Variants in MYLK3 observed in about 807,000 individuals in gnomAD.
The protein encoded by MYLK3 is MLC kinase.
In MYLK3, 55 loss-of-function variants were observed where a neutral mutation model predicts 76.3. The observed-to-expected ratio is 0.72, with a 90% CI of 0.58 to 0.90. MYLK3 has a LOEUF of 0.90. Among genes scored for constraint, MYLK3 ranks in the 40% least tolerant of loss-of-function variants. The pLI is 0.00. For missense variants in MYLK3, 973 were observed against 1,053.6 expected (o/e 0.92, Z 1.06); for synonymous variants, 416 against 425.4 (o/e 0.98, Z 0.27).
upstream of MYLK3, among the ~76,000 whole-genome samples, chr16:46,751,598 A>T (rs1967126503): frequency 6.6e-6 from 1 of 152,094 alleles, no homozygotes; most frequent in Non-Finnish European, 1.5e-5. Context: ...GGTGTTCAAC[A>T]TGGAGGAATG....
At chr16:46,714,150 A>G (rs536788137) in intron 9 of MYLK3, among the ~76,000 whole-genome samples, 1 of 152,332 alleles carries the variant, frequency 6.6e-6, no homozygotes, top group South Asian at 2.1e-4. Flanking sequence ...AAGAGTCTCT[A>G]GCTAAAATTT....
chr16:46,751,754 C>T (rs1022960116), upstream of MYLK3, among the ~76,000 whole-genome samples: 18 of 152,190 alleles, frequency 1.2e-4, no homozygotes, highest in Non-Finnish European at 2.6e-4. Context: ...GGGAGAAAGC[C>T]TAGAACATAT....
chr16:46,754,546 AC>A (rs1268543147), intron 1 of MYLK3, among the ~76,000 whole-genome samples: 16 of 152,120 alleles, frequency 1.1e-4, no homozygotes, highest in Admixed American at 1.0e-3. Context: ...GCCATGGGAT[AC>A]CCTGGGCCAC....
chr16:46,758,447 C>T (rs1458074660), intron 1 of MYLK3, among the ~76,000 whole-genome samples: 1 of 152,160 alleles, frequency 6.6e-6, no homozygotes, highest in East Asian at 1.9e-4. Flanking sequence ...CTTTGGCTGC[C>T]TCTCCTTATT....
chr16:46,759,681 G>A (rs1440118212), intron 1 of MYLK3, among the ~76,000 whole-genome samples: 1 of 151,358 alleles, frequency 6.6e-6, no homozygotes, highest in Non-Finnish European at 1.5e-5. Flanking sequence ...AGGCTGGAGT[G>A]AAGAGGCGCG....
chr16:46,713,012 C>T (rs1030411544), intron 9 of MYLK3, among the ~76,000 whole-genome samples: 15 of 152,214 alleles, frequency 9.9e-5, no homozygotes, highest in East Asian at 7.7e-4. Context: ...CTCCTCCAGG[C>T]ATTTGCTTCT....
chr16:46,717,540 A>G (rs252727), intron 9 of MYLK3, among the ~76,000 whole-genome samples: 149,713 of 151,962 alleles, frequency 0.99, 73,776 homozygotes, highest in East Asian at 1. Flanking sequence ...TCCCCCAACC[A>G]GCCCGCACAT....
intron 10 of MYLK3, chr16:46,711,054 G>A: frequency 2.2e-6 from 1 of 457,108 alleles, no homozygotes; most frequent in Non-Finnish European, 4.0e-6. Flanking sequence ...CATTCCTGAA[G>A]TAAAGAGTAA....
intron 8 of MYLK3, among the ~76,000 whole-genome samples, chr16:46,724,292 A>AT (rs1295870533): frequency 1.3e-5 from 2 of 151,786 alleles, no homozygotes; most frequent in South Asian, 4.1e-4. Context: ...GAAGTATGAG[A>AT]TTTTTTTCAT....
chr16:46,724,624 T>C (rs1966831729), intron 8 of MYLK3, among the ~76,000 whole-genome samples: 1 of 152,238 alleles, frequency 6.6e-6, no homozygotes, highest in Non-Finnish European at 1.5e-5. Flanking sequence ...ATGGTTTATG[T>C]CTAGACTCTC....
At position 46,710,717 on chromosome 16, in the gene MYLK3, C is replaced by G; in HGVS notation, c.2187G>C (p.Trp729Cys). 1.9e-6 allele frequency: 3 copies of G among 1,614,094 alleles called. No homozygotes were observed. The highest frequency in any genetic ancestry group is 2.5e-6 in the Non-Finnish European group (3 of 1,180,018). ...CTTCAAAGGTGTCAGCATCAAAATC[C>G]CAGCTACAGTTTACAATGAAATTCA... Reference protein sequence around the residue: ...ETMNFIVNCSWDFDADTFEGL... With the variant: ...ETMNFIVNCSCDFDADTFEGL... The change falls in exon 11 of 13, where the codon TGG becomes TGC. Residue 729 changes from tryptophan (W) to cysteine (C), a missense_variant. Transcript: ENST00000394809.
chr16:46,744,937 A>G (rs940191164), intron 1 of MYLK3, among the ~76,000 whole-genome samples: 7 of 152,336 alleles, frequency 4.6e-5, no homozygotes, highest in Middle Eastern at 6.8e-3. Flanking sequence ...ATAAATGCTA[A>G]AACATTTATG....
chr16:46,710,780 G>A lies in MYLK3; in HGVS notation c.2124C>T (p.Gly708=), dbSNP rs146268415. 6.2e-7 allele frequency: 1 copy of A among 1,614,086 alleles called. No homozygotes were observed. The highest frequency in any genetic ancestry group is 2.2e-5 in the East Asian group (1 of 44,884). Residue 708 remains glycine (G), a synonymous_variant, in exon 11 of 13, where the codon GGC becomes GGT. Transcript: ENST00000394809. ...CTGTTTCCCCTAGAAATGGGGACAA[G>A]CCACTGAGTCTATAGAAGAGAGAAA... ...VGVITYMLLS[G]LSPFLGETDA...
intron 7 of MYLK3, among the ~76,000 whole-genome samples, chr16:46,727,974 C>G (rs1287584922): frequency 1.3e-5 from 2 of 152,216 alleles, no homozygotes; most frequent in South Asian, 4.1e-4. Flanking sequence ...CTGACCAGGG[C>G]TGTGAACTCA....
chr16:46,707,593 A>T lies in MYLK3; in HGVS notation c.*111T>A, dbSNP rs1966638580. ...CAGCCATAACCATTTTTACAAAATA[A>T]GTGGAATCAATAATACCAAAAAGCC... On this transcript the variant is annotated 3_prime_UTR_variant, in exon 13 of 13. Coordinates refer to ENST00000394809, the MANE Select transcript of MYLK3 (RefSeq NM_182493.3). The T allele has an allele frequency of 4.5e-6, 3 of 668,490 alleles. No homozygotes were observed. The African/African-American group carries it at 5.5e-5, about 12-fold the overall frequency. The allele number at this position is 668,490 out of a possible 1,614,324, so 41.4% of individuals were successfully genotyped here.
Position 46,732,343 on chromosome 16 carries a change from G to A in MYLK3, c.1327C>T (p.Leu443=). The change falls in exon 4 of 13, where the codon CTG becomes TTG. Residue 443 remains leucine (L), a synonymous_variant. Coordinates refer to ENST00000394809, the MANE Select transcript of MYLK3 (RefSeq NM_182493.3). ...GGGCTTTTGCCCTGCTGCAGGCCCA[G>A]GGCCCCAACCTCGTGGTCATTGTCG... ...SDDNDHEVGA[L]GLQQGKSPGA... is the part of the protein sequence containing the mutation. 6.2e-7 allele frequency: 1 copy of A among 1,613,216 alleles called. No homozygotes were observed. Among genetic ancestry groups the A allele is most frequent in the Non-Finnish European group, 8.5e-7 (1 of 1,180,030 alleles).
At position 46,710,796 on chromosome 16, in the gene MYLK3, AAGAG is replaced by A. The variant is rs761067828; in HGVS notation, c.2115-11_2115-8del. The A allele has an allele frequency of 6.2e-7, 1 of 1,614,004 alleles. No individual in the cohort carries two copies. Among genetic ancestry groups the A allele is most frequent in the Non-Finnish European group, 8.5e-7 (1 of 1,180,006 alleles). On this transcript the variant is annotated splice_region_variant and splice_polypyrimidine_tract_variant and intron_variant, in intron 10 of 12. Coordinates refer to ENST00000394809, the MANE Select transcript of MYLK3 (RefSeq NM_182493.3). ...TGGGGACAAGCCACTGAGTCTATAG[AAGAG>A]AGAAAGGACCATCAGTAGGTGGAGG...
Position 46,729,673 on chromosome 16 carries a change from TG to T in MYLK3, c.1582del (p.Gln528ArgfsTer21). 1 of 1,613,644 alleles carries T rather than the reference TG, an allele frequency of 6.2e-7. No individual in the cohort carries two copies. Among genetic ancestry groups the T allele is most frequent in the South Asian group, 1.1e-5 (1 of 91,070 alleles). On this transcript the variant is annotated frameshift_variant, in exon 6 of 13. Transcript: ENST00000394809. LOFTEE classifies it high-confidence loss of function. ...GGACTTCTCTGTGCACCTGTGGACCTGGCCAAACCGACCCCTGCAGAGACAT... is the reference window on the plus strand; with the variant it reads ...GGACTTCTCTGTGCACCTGTGGACCTGCCAAACCGACCCCTGCAGAGACAT... ...HEVLGGGRFG[Q>X]VHRCTEKSTG...
Position 46,728,899 on chromosome 16 carries a change from G to A in MYLK3, c.1772+125C>T, listed in dbSNP as rs868618378. 3.2e-5 allele frequency: 22 copies of A among 689,372 alleles called. No individual in the cohort carries two copies. The Middle Eastern group carries it at 1.5e-3, about 48-fold the overall frequency. 42.7% of individuals were successfully genotyped at this position (689,372 alleles called of 1,614,324 possible). On this transcript the variant is annotated intron_variant, in intron 7 of 12. Coordinates refer to ENST00000394809, the MANE Select transcript of MYLK3 (RefSeq NM_182493.3). ...ATAGCCAAGCCAGAGAAGACAGGAT[G>A]ACACGACCCTGGACGTGCCAGGAAG...
Sources: gnomAD v4.1 joint callset for allele counts (sites outside exome capture counted in the v4.1 genomes callset) on GRCh38, gnomAD v4.1.1 for gene constraint, MANE v1.5 for transcripts, NCBI Gene and HGNC (gene_info 2026-07-23, HGNC 2026-07-21) for gene names.